The following KIF26B variants were observed in gnomAD, a reference collection of about 807,000 sequenced individuals.
The protein encoded by KIF26B is kinesin-like protein KIF26B.
Under a neutral mutation model 151.2 loss-of-function variants are expected in KIF26B, and 63 were observed. The ratio of observed to expected loss-of-function variants is 0.42; its 90% CI spans 0.34 to 0.51. The LOEUF (loss-of-function observed/expected upper bound fraction) is 0.51, where lower values mean the gene tolerates loss of function less well. KIF26B is among the 20% of genes least tolerant of loss of function. KIF26B has a pLI of 0.07. For missense variants in KIF26B, 2,813 were observed against 2,913.6 expected (o/e 0.97, Z 0.79); for synonymous variants, 1,357 against 1,262.1 (o/e 1.08, Z -1.59).
chr1:245,649,764 G>A (rs543303521), intron 10 of KIF26B, among the ~76,000 whole-genome samples: 4 of 145,844 alleles, frequency 2.7e-5, no homozygotes, highest in African/African-American at 1.0e-4. Flanking sequence ...TGCATTACTT[G>A]TGCTTGCTCC....
At chr1:245,524,048 T>A (rs945256476) in intron 4 of KIF26B, among the ~76,000 whole-genome samples, 7 of 152,232 alleles carry the variant, frequency 4.6e-5, no homozygotes, top group African/African-American at 1.7e-4. Flanking sequence ...ATAATTTAAA[T>A]CTTAAAATAT....
chr1:245,330,792 C>G (rs1381355703), intron 2 of KIF26B, among the ~76,000 whole-genome samples: 6 of 10,360 alleles, frequency 5.8e-4, no homozygotes, highest in African/African-American at 3.3e-3. Context: ...GAGGGAATAG[C>G]GGGGTAATGG....
At chr1:245,240,587 A>T (rs1345614641) in intron 2 of KIF26B, among the ~76,000 whole-genome samples, 1 of 152,180 alleles carries the variant, frequency 6.6e-6, no homozygotes, top group African/African-American at 2.4e-5. Flanking sequence ...TTTTCCTTCT[A>T]GGGAAAATTT....
chr1:245,591,526 C>G (rs967101299), intron 5 of KIF26B, among the ~76,000 whole-genome samples: 3 of 152,192 alleles, frequency 2.0e-5, no homozygotes, highest in African/African-American at 7.2e-5. Flanking sequence ...CACTCAAACC[C>G]AGGCCGCCTG....
At chr1:245,573,738 C>A (rs888425234) in intron 5 of KIF26B, among the ~76,000 whole-genome samples, 4 of 152,112 alleles carry the variant, frequency 2.6e-5, no homozygotes, top group Admixed American at 1.3e-4. Context: ...CCTCAGATAG[C>A]CTTCCAAGAC....
At chr1:245,590,324 C>T (rs556579604) in intron 5 of KIF26B, among the ~76,000 whole-genome samples, 179 of 152,260 alleles carry the variant, frequency 1.2e-3, no homozygotes, top group African/African-American at 4.1e-3. Flanking sequence ...CGGGAGGGGA[C>T]GGCCAACGCG....
Position 245,699,049 on chromosome 1 carries a change from G to A in KIF26B, c.6178+12G>A. On this transcript the variant is annotated intron_variant, in intron 14 of 14. Transcript: ENST00000407071. ...GTGGCTCAGTGAATGTAAGGCCGGG[G>A]TGCCTTCCCACCCTTGTGACTAGTG... is the stretch of plus-strand genomic sequence containing the variant. The A allele has an allele frequency of 1.2e-6, 2 of 1,611,762 alleles. No homozygotes were observed. The highest frequency in any genetic ancestry group is 2.2e-5 in the South Asian group (2 of 90,698).
In KIF26B at chr1:245,581,926, G is replaced by GAGGAAGGAAGGAAGGAAGGAAGGA. The variant is rs141698408; in HGVS notation, c.1351-20637_1351-20614dup. Among the ~76,000 whole-genome samples, 854 of 142,354 alleles carry GAGGAAGGAAGGAAGGAAGGAAGGA rather than the reference G, an allele frequency of 6.0e-3. 13 individuals are homozygous for GAGGAAGGAAGGAAGGAAGGAAGGA. Among genetic ancestry groups the GAGGAAGGAAGGAAGGAAGGAAGGA allele is most frequent in the East Asian group, 0.028 (136 of 4,778 alleles). 93.4% of individuals were successfully genotyped at this position (142,354 alleles called of 152,430 possible). A position where few individuals can be genotyped will look rare whatever the true frequency, so the allele number is the denominator to read the frequency against. On this transcript the variant is annotated intron_variant, in intron 5 of 14. Coordinates refer to ENST00000407071, the MANE Select transcript of KIF26B (RefSeq NM_018012.4). ...AGAGAGACCCTGTCAAAGAGAGAAA[G>GAGGAAGGAAGGAAGGAAGGAAGGA]AGGAAGGAAGGAAGGAAGGAAGGAA...
intron 10 of KIF26B, among the ~76,000 whole-genome samples, chr1:245,672,552 G>GC (rs955059787): frequency 6.6e-6 from 1 of 152,204 alleles, no homozygotes; most frequent in Non-Finnish European, 1.5e-5. Context: ...CCACTGACAT[G>GC]CAGCCTGATG....
chr1:245,220,398 AC>A (rs1339573721), intron 2 of KIF26B, among the ~76,000 whole-genome samples: 2 of 134,252 alleles, frequency 1.5e-5, no homozygotes, highest in African/African-American at 5.5e-5. Flanking sequence ...AGGTTCAGTG[AC>A]CAGACGATGG....
At chr1:245,637,183 T>C (rs991577203) in intron 9 of KIF26B, among the ~76,000 whole-genome samples, 1 of 151,984 alleles carries the variant, frequency 6.6e-6, no homozygotes, top group Admixed American at 6.6e-5. Context: ...CATTTGTTTT[T>C]TGTCTTTTTG....
chr1:245,695,670 C>G (rs1030761988), intron 12 of KIF26B, among the ~76,000 whole-genome samples: 3 of 152,182 alleles, frequency 2.0e-5, no homozygotes, highest in Non-Finnish European at 2.9e-5. Flanking sequence ...GGAAAGGAGG[C>G]AATGGGAAGG....
chr1:245,526,941 C>T (rs1368882454), intron 4 of KIF26B, among the ~76,000 whole-genome samples: 3 of 152,192 alleles, frequency 2.0e-5, no homozygotes, highest in East Asian at 1.9e-4. Context: ...TACTTCTTTT[C>T]GGTTTCTCAT....
At position 245,686,766 on chromosome 1, in the gene KIF26B, G is replaced by A. The variant is rs2044530009; in HGVS notation, c.3783G>A (p.Lys1261=). ...VSITQFLPLP[K]MSLDEKAQDA... ...TCACACAGTTCTTGCCCCTCCCGAA[G>A]ATGAGCCTGGATGAGAAGGCCCAGG... The change falls in exon 12 of 15, where the codon AAG becomes AAA. Residue 1261 remains lysine (K), a synonymous_variant. Transcript: ENST00000407071. The surrounding 1 kb of genome is among the most constrained non-coding windows in gnomAD (Gnocchi z 5.6). 1 of 1,613,362 alleles carries A rather than the reference G, an allele frequency of 6.2e-7. No individual in the cohort carries two copies. Among genetic ancestry groups the A allele is most frequent in the Non-Finnish European group, 8.5e-7 (1 of 1,179,804 alleles).
At chr1:245,659,620 T>C (rs2147931524) in intron 10 of KIF26B, among the ~76,000 whole-genome samples, 1 of 152,278 alleles carries the variant, frequency 6.6e-6, no homozygotes, top group African/African-American at 2.4e-5. Flanking sequence ...GTCTAAGCAT[T>C]AGGGCTAATG....
intron 4 of KIF26B, among the ~76,000 whole-genome samples, chr1:245,445,299 G>A (rs1027647431): frequency 6.6e-6 from 1 of 152,172 alleles, no homozygotes; most frequent in African/African-American, 2.4e-5. Context: ...CACCATCAAA[G>A]GGTCATGGAT....
intron 3 of KIF26B, among the ~76,000 whole-genome samples, chr1:245,403,630 C>CAT (rs34933065): frequency 0.68 from 103,005 of 151,786 alleles, 35,813 homozygotes; most frequent in African/African-American, 0.85. Flanking sequence ...TGTGTGTCCA[C>CAT]GTGTGTGTGT....
intron 12 of KIF26B, among the ~76,000 whole-genome samples, chr1:245,689,185 G>C (rs558028676): frequency 6.6e-6 from 1 of 152,346 alleles, no homozygotes; most frequent in African/African-American, 2.4e-5. Context: ...GCACCTGCTC[G>C]CTCTGGGGGC....
intron 2 of KIF26B, among the ~76,000 whole-genome samples, chr1:245,306,431 G>C (rs1422893816): frequency 2.0e-5 from 3 of 152,174 alleles, no homozygotes; most frequent in Non-Finnish European, 2.9e-5. Context: ...TAATGAAAAT[G>C]TTCTAAATTC....
Sources: allele counts gnomAD v4.1 joint callset (sites outside exome capture counted in the v4.1 genomes callset), GRCh38; gene constraint gnomAD v4.1.1; non-coding constraint Gnocchi (gnomAD v3.1); transcripts MANE v1.5; gene names NCBI Gene and HGNC (gene_info 2026-07-23, HGNC 2026-07-21).